The following CDH26 variants were observed in gnomAD, a reference collection of about 807,000 sequenced individuals.
The protein encoded by CDH26 is cadherin 26, also known as cadherin-like protein 26.
In CDH26, 83 loss-of-function variants were observed where a neutral mutation model predicts 90.3. The observed-to-expected ratio is 0.92, with a 90% CI of 0.77 to 1.10. CDH26 has a LOEUF of 1.10. CDH26 is among the 50% of genes least tolerant of loss of function. The probability of loss-of-function intolerance (pLI) is 0.00; values close to 1 mark genes in which losing one functional copy is unlikely to be tolerated. For synonymous variants in CDH26, 397 were observed against 396.3 expected (o/e 1.00, Z -0.02); for missense variants, 1,013 against 1,037.6 (o/e 0.98, Z 0.33).
intron 1 of CDH26, among the ~76,000 whole-genome samples, chr20:59,968,287 G>A (rs987894813): frequency 1.3e-5 from 2 of 151,842 alleles, no homozygotes; most frequent in Non-Finnish European, 2.9e-5. Flanking sequence ...CAGTAGAGAT[G>A]GGGTTTCATC....
intron 16 of CDH26, 36 bp downstream of exon 16, chr20:60,002,902 T>C (rs6071073): frequency 0.023 from 33,016 of 1,443,020 alleles, 459 homozygotes; most frequent in Middle Eastern, 0.028. Context: ...TGAACAAATT[T>C]ACCTTATTGT....
chr20:60,002,338 G>A (rs994843431), intron 15 of CDH26, among the ~76,000 whole-genome samples: 1 of 151,726 alleles, frequency 6.6e-6, no homozygotes, highest in Non-Finnish European at 1.5e-5. Flanking sequence ...GGTCCTGTTC[G>A]GGCCAGCTGC....
At chr20:59,968,941 T>A (rs1569025649) in intron 1 of CDH26, 26 bp from the exon 2 acceptor site, 4 of 1,268,836 alleles carry the variant, frequency 3.2e-6, no homozygotes, top group Non-Finnish European at 4.6e-6. Context: ...TATTCTCTAC[T>A]AATTAATATT....
chr20:59,993,356 G>T (rs967279187), intron 10 of CDH26, among the ~76,000 whole-genome samples: 6 of 152,252 alleles, frequency 3.9e-5, no homozygotes, highest in African/African-American at 1.2e-4. Context: ...AGATTTTAGT[G>T]CACTGGTCAC....
At chr20:59,972,222 C>T (rs904335728) in intron 4 of CDH26, 99 bp downstream of exon 4, 36 of 1,123,414 alleles carry the variant, frequency 3.2e-5, no homozygotes, top group South Asian at 2.1e-4. Flanking sequence ...TGCCAGGTTC[C>T]GGGAGATTGA....
chr20:60,033,413 G>A, intron 8 of CDH26: 1 of 1,259,082 alleles, frequency 7.9e-7, no homozygotes, highest in Non-Finnish European at 1.0e-6. Flanking sequence ...AATGCTTAGT[G>A]AATGCTAAGC....
In CDH26 at chr20:59,968,853, TA is replaced by T. The variant is rs2061211663; in HGVS notation, c.70-113del. The T allele has an allele frequency of 9.9e-6, 5 of 502,762 alleles. No homozygotes were observed. In the Admixed American group the frequency reaches 1.7e-4, roughly 17 times the overall value. 31.1% of individuals were successfully genotyped at this position (502,762 alleles called of 1,614,324 possible). ...AGAAATTCTATTTACCAAAACTAACTACAGAAGTTCTGTTTTCATCATTTCT... is the reference window on the plus strand; with the variant it reads ...AGAAATTCTATTTACCAAAACTAACTCAGAAGTTCTGTTTTCATCATTTCT... On this transcript the variant is annotated intron_variant, in intron 1 of 17. Transcript: ENST00000348616.
At chr20:59,976,476 A>G (rs1430061811) in intron 4 of CDH26, among the ~76,000 whole-genome samples, 1 of 152,256 alleles carries the variant, frequency 6.6e-6, no homozygotes, top group East Asian at 1.9e-4. Context: ...AATAATAAAC[A>G]TAAAACACAC....
intron 7 of CDH26, among the ~76,000 whole-genome samples, chr20:60,024,186 G>T (rs1179113138): frequency 1.3e-5 from 2 of 152,204 alleles, no homozygotes; most frequent in East Asian, 3.8e-4. Context: ...GATTCCTCTG[G>T]GGGGTTGGAA....
intron 8 of CDH26, among the ~76,000 whole-genome samples, chr20:60,031,619 G>T (rs74819140): frequency 3.1e-3 from 476 of 152,302 alleles, no homozygotes; most frequent in African/African-American, 0.011. Context: ...CAGAGCAGTT[G>T]ATGTATTTTG....
At chr20:59,990,959 T>C (rs186375204) in intron 9 of CDH26, among the ~76,000 whole-genome samples, 101 of 151,884 alleles carry the variant, frequency 6.6e-4, no homozygotes, top group African/African-American at 2.3e-3. Context: ...AACCTCCACC[T>C]CCCAGGTTCT....
At chr20:59,967,809 C>CTTT in intron 1 of CDH26, among the ~76,000 whole-genome samples, 1 of 132,814 alleles carries the variant, frequency 7.5e-6, no homozygotes, top group Non-Finnish European at 1.7e-5. Context: ...TCCCTCCCTC[C>CTTT]CTCATTTCTT....
chr20:60,020,744 CAATGTGGGG>C (rs941981302), intron 7 of CDH26, among the ~76,000 whole-genome samples: 84 of 152,110 alleles, frequency 5.5e-4, no homozygotes, highest in African/African-American at 2.0e-3. Flanking sequence ...GCTTGGCTCA[CAATGTGGGG>C]GGTAAGCACC....
rs1196923890 is a variant in CDH26 at position 60,030,807 on chromosome 20, C to T, written c.948-424C>T. Among the ~76,000 whole-genome samples, 3 of 152,142 alleles carry T rather than the reference C, an allele frequency of 2.0e-5. No individual in the cohort carries two copies. Among genetic ancestry groups the T allele is most frequent in the African/African-American group, 7.2e-5 (3 of 41,424 alleles). ...CTAATGACATTGCTTAAGTCCTGCA[C>T]CTAGTTAAGAAGCCATGACTCCCCT... On this transcript the variant is annotated intron_variant, in intron 7 of 8. Transcript: ENST00000370991. This position sits in a 1 kb window ranked among gnomAD's most constrained non-coding sequence, Gnocchi z 4.0.
rs140961853 is a variant in CDH26, at chr20:60,003,068, G to A, written c.2220+202G>A. 1.2e-3 allele frequency among the ~76,000 whole-genome samples: 189 copies of A among 152,300 alleles called. 1 individual carries two copies. The East Asian group carries it at 0.034, about 28-fold the overall frequency. ...GGCACATTTATCCCGTGACTCGAGG[G>A]CATAAGAGCTTTTCAGTCCCTGGCA... On this transcript the variant is annotated intron_variant, in intron 16 of 17. Transcript: ENST00000348616.
intron 17 of CDH26, among the ~76,000 whole-genome samples, 165 bp downstream of exon 17, chr20:60,006,952 T>C (rs2061762118): frequency 6.6e-6 from 1 of 152,144 alleles, no homozygotes; most frequent in South Asian, 2.1e-4. Context: ...AACAGAAATA[T>C]ATTGCCTCAT....
intron 1 of CDH26, among the ~76,000 whole-genome samples, chr20:59,959,725 A>G (rs145984422): frequency 2.9e-3 from 436 of 152,264 alleles, no homozygotes; most frequent in Middle Eastern, 3.4e-3. Context: ...ACTTCTGTTC[A>G]CACTTTACAT....
intron 9 of CDH26, among the ~76,000 whole-genome samples, 183 bp downstream of exon 9, chr20:59,989,346 G>C (rs2061499078): frequency 6.6e-6 from 1 of 151,542 alleles, no homozygotes; most frequent in Non-Finnish European, 1.5e-5. Context: ...GGCTAACAAG[G>C]TGAAACCCCG....
chr20:59,989,192 T>C, intron 9 of CDH26, 29 bp downstream of exon 9: 1 of 1,611,282 alleles, frequency 6.2e-7, no homozygotes, highest in Non-Finnish European at 8.5e-7. Flanking sequence ...GAAGGGCGGT[T>C]GTTTAAGTGG....
Sources: gnomAD v4.1 joint callset for allele counts (sites outside exome capture counted in the v4.1 genomes callset) on GRCh38, gnomAD v4.1.1 for gene constraint, Gnocchi (gnomAD v3.1) non-coding constraint, MANE v1.5 for transcripts, NCBI Gene and HGNC (gene_info 2026-07-23, HGNC 2026-07-21) for gene names.